AGAP1: variants seen among roughly 807,000 people sequenced by gnomAD.
AGAP1 encodes arf-GAP with GTPase, ANK repeat and PH domain-containing protein 1.
In AGAP1, 29 loss-of-function variants were observed where a neutral mutation model predicts 105.3. The ratio of observed to expected loss-of-function variants is 0.28; its 90% CI spans 0.21 to 0.38. The LOEUF is 0.38. AGAP1 is among the 10% of genes least tolerant of loss of function. The pLI is 1.00. For synonymous variants in AGAP1, 509 were observed against 485.9 expected (o/e 1.05, Z -0.63); for missense variants, 998 against 1,165.1 (o/e 0.86, Z 2.09).
Position 235,723,516 on chromosome 2 carries a change from G to A in AGAP1, c.310+5872G>A, listed in dbSNP as rs142039836. 8.4e-4 allele frequency among the ~76,000 whole-genome samples: 128 copies of A among 152,322 alleles called. 3 individuals carry two copies. In the East Asian group the frequency reaches 0.02, roughly 24 times the overall value. On this transcript the variant is annotated intron_variant, in intron 3 of 17. Coordinates refer to ENST00000304032, the MANE Select transcript of AGAP1 (RefSeq NM_001037131.3). The surrounding 1 kb of genome is among the most constrained non-coding windows in gnomAD (Gnocchi z 6.2). ...AGATCTTTTCAGGTTGCAGAACTGA[G>A]TCATTGCTCTGAGACCCGTTCCCCA... is the stretch of plus-strand genomic sequence containing the variant.
chr2:235,978,517 A>T (rs2054953078), intron 13 of AGAP1, among the ~76,000 whole-genome samples: 1 of 152,216 alleles, frequency 6.6e-6, no homozygotes, highest in Non-Finnish European at 1.5e-5. Flanking sequence ...TGGTGTTGGC[A>T]GGTGGGTGGT....
intron 9 of AGAP1, among the ~76,000 whole-genome samples, chr2:235,846,689 T>TGCA (rs1333145852): frequency 1.3e-5 from 2 of 152,110 alleles, no homozygotes; most frequent in Non-Finnish European, 2.9e-5. Context: ...CAGGCTGGAG[T>TGCA]GCAGTGGCAT....
At chr2:235,856,203 C>T (rs1413311064) in intron 9 of AGAP1, among the ~76,000 whole-genome samples, 1 of 152,198 alleles carries the variant, frequency 6.6e-6, no homozygotes, top group African/African-American at 2.4e-5. Flanking sequence ...TGAGCCACCG[C>T]ACCCGGCCGA....
At position 235,552,153 on chromosome 2, in the gene AGAP1, G is replaced by T. The variant is rs907518579; in HGVS notation, c.163+57304G>T. On this transcript the variant is annotated intron_variant, in intron 1 of 17. Transcript: ENST00000304032. The surrounding 1 kb of genome is among the most constrained non-coding windows in gnomAD (Gnocchi z 5.9). ...AGGGGCCTGCAGGGAAGTGTTTGTT[G>T]TGTGCTTGGTGTTCATTGCCCCGTA... 2.0e-5 allele frequency among the ~76,000 whole-genome samples: 3 copies of T among 152,278 alleles called. No individual in the cohort carries two copies. The highest frequency in any genetic ancestry group is 1.9e-4 in the East Asian group (1 of 5,180).
In AGAP1 at chr2:235,725,419, A is replaced by T. The variant is rs1951595036; in HGVS notation, c.310+7775A>T. 2.0e-5 allele frequency among the ~76,000 whole-genome samples: 3 copies of T among 151,376 alleles called. No individual in the cohort carries two copies. In the Admixed American group the frequency reaches 2.0e-4, roughly 10 times the overall value. Reference sequence around the variant, plus strand: ...AAACCCTTTCCAAGTCAAATAACTTAAAAAAAAAGGTTGTCAGCTACCACT... The same window carrying T: ...AAACCCTTTCCAAGTCAAATAACTTTAAAAAAAAGGTTGTCAGCTACCACT... On this transcript the variant is annotated intron_variant, in intron 3 of 17. Transcript: ENST00000304032. The surrounding 1 kb of genome is among the most constrained non-coding windows in gnomAD (Gnocchi z 5.7).
rs1228744758 is a variant in AGAP1, at chr2:235,901,087, A to G, written c.1156-7651A>G. Among the ~76,000 whole-genome samples the G allele has an allele frequency of 6.6e-6, 1 of 152,208 alleles. No individual in the cohort carries two copies. Among genetic ancestry groups the G allele is most frequent in the Non-Finnish European group, 1.5e-5 (1 of 68,038 alleles). ...ACAATATTTTCACAGTATTTTTAGG[A>G]GCATGACTTTGGTCTGCACCTGTGA... On this transcript the variant is annotated intron_variant, in intron 10 of 17. Transcript: ENST00000304032. The surrounding 1 kb of genome is among the most constrained non-coding windows in gnomAD (Gnocchi z 4.3).
intron 13 of AGAP1, among the ~76,000 whole-genome samples, chr2:236,008,057 G>A (rs1030418228): frequency 9.2e-5 from 14 of 152,238 alleles, no homozygotes; most frequent in African/African-American, 3.1e-4. Context: ...TGCTGTGTGT[G>A]TGTTTTCAAT....
In AGAP1 at chr2:235,610,715, C is replaced by G. The variant is rs934512152; in HGVS notation, c.164-98464C>G. On this transcript the variant is annotated intron_variant, in intron 1 of 17. Coordinates refer to ENST00000304032, the MANE Select transcript of AGAP1 (RefSeq NM_001037131.3). This position sits in a 1 kb window ranked among gnomAD's most constrained non-coding sequence, Gnocchi z 4.9. Reference sequence around the variant, plus strand: ...ACATTGCAGACCCGCCATCCTCAAACGCACTGTGCTCCCGTGAGCTCCCTG... The same window carrying G: ...ACATTGCAGACCCGCCATCCTCAAAGGCACTGTGCTCCCGTGAGCTCCCTG... Among the ~76,000 whole-genome samples, 1 of 152,152 alleles carries G rather than the reference C, an allele frequency of 6.6e-6. No individual in the cohort carries two copies. Among genetic ancestry groups the G allele is most frequent in the Non-Finnish European group, 1.5e-5 (1 of 68,020 alleles).
Position 235,623,261 on chromosome 2 carries a change from C to G in AGAP1, c.164-85918C>G, listed in dbSNP as rs1946541897. ...TGCGTGTTCTGCAGGCTGACCTCTG[C>G]TTGTTGATCGTATTACAGCATGTTG... is the stretch of plus-strand genomic sequence containing the variant. On this transcript the variant is annotated intron_variant, in intron 1 of 17. Coordinates refer to ENST00000304032, the MANE Select transcript of AGAP1 (RefSeq NM_001037131.3). This position sits in a 1 kb window ranked among gnomAD's most constrained non-coding sequence, Gnocchi z 4.5. Among the ~76,000 whole-genome samples the G allele has an allele frequency of 6.6e-6, 1 of 152,196 alleles. No individual in the cohort carries two copies. The highest frequency in any genetic ancestry group is 2.4e-5 in the African/African-American group (1 of 41,432).
At chr2:236,021,952 G>A (rs748605686) in intron 13 of AGAP1, among the ~76,000 whole-genome samples, 1 of 151,388 alleles carries the variant, frequency 6.6e-6, no homozygotes, top group Non-Finnish European at 1.5e-5. Flanking sequence ...CCAGCTACTC[G>A]GGAGGCTGAG....
intron 3 of AGAP1, among the ~76,000 whole-genome samples, chr2:235,738,211 G>A (rs146701577): frequency 6.6e-6 from 1 of 152,292 alleles, no homozygotes; most frequent in Non-Finnish European, 1.5e-5. Flanking sequence ...AGGGAAGGGA[G>A]AGCAGAGGGA....
intron 1 of AGAP1, among the ~76,000 whole-genome samples, chr2:235,568,746 T>C (rs1944427880): frequency 6.6e-6 from 1 of 152,220 alleles, no homozygotes; most frequent in African/African-American, 2.4e-5. Context: ...CTGTGTTCTT[T>C]CTAGAGGGTG....
intron 1 of AGAP1, among the ~76,000 whole-genome samples, chr2:235,594,117 G>T (rs188452114): frequency 7.2e-4 from 110 of 152,292 alleles, no homozygotes; most frequent in African/African-American, 2.6e-3. Flanking sequence ...TGTTAAGGAA[G>T]TGGAGATTGA....
chr2:235,607,189 C>T (rs1050050915), intron 1 of AGAP1, among the ~76,000 whole-genome samples: 7 of 151,966 alleles, frequency 4.6e-5, no homozygotes, highest in African/African-American at 7.3e-5. Context: ...ATCCAGAGCC[C>T]CCCCTTCCCT....
At chr2:235,892,212 C>G (rs1477252751) in intron 10 of AGAP1, among the ~76,000 whole-genome samples, 2 of 151,896 alleles carry the variant, frequency 1.3e-5, no homozygotes, top group Admixed American at 1.3e-4. Context: ...CACATTAAAA[C>G]AGCTGTGGCT....
In AGAP1 at chr2:235,705,877, A is replaced by C. The variant is rs1950509412; in HGVS notation, c.164-3302A>C. Among the ~76,000 whole-genome samples, 1 of 152,252 alleles carries C rather than the reference A, an allele frequency of 6.6e-6. No individual in the cohort carries two copies. Among genetic ancestry groups the C allele is most frequent in the Non-Finnish European group, 1.5e-5 (1 of 68,046 alleles). ...TGTTTAATGGAGCACTGCTTAATTTATAATGAATATTTTATATTGTTAGAA... is the reference window on the plus strand; with the variant it reads ...TGTTTAATGGAGCACTGCTTAATTTCTAATGAATATTTTATATTGTTAGAA... On this transcript the variant is annotated intron_variant, in intron 1 of 17. Coordinates refer to ENST00000304032, the MANE Select transcript of AGAP1 (RefSeq NM_001037131.3). This position sits in a 1 kb window ranked among gnomAD's most constrained non-coding sequence, Gnocchi z 4.9.
intron 13 of AGAP1, among the ~76,000 whole-genome samples, chr2:236,010,349 C>T (rs934426044): frequency 2.6e-5 from 4 of 152,150 alleles, no homozygotes; most frequent in Non-Finnish European, 4.4e-5. Flanking sequence ...TTGAAAAGAT[C>T]GTGACTGTCT....
intron 1 of AGAP1, among the ~76,000 whole-genome samples, chr2:235,532,836 T>G (rs1943088616): frequency 6.6e-6 from 1 of 152,194 alleles, no homozygotes; most frequent in African/African-American, 2.4e-5. Context: ...TGGCAGCCGG[T>G]GCATGGCTGG....
intron 16 of AGAP1, among the ~76,000 whole-genome samples, chr2:236,066,775 AC>A (rs569475038): frequency 1.2e-3 from 176 of 152,146 alleles, no homozygotes; most frequent in Non-Finnish European, 2.1e-3. Flanking sequence ...TATTCCTATC[AC>A]CCCAGGAACT....
Sources: allele counts gnomAD v4.1 joint callset (sites outside exome capture counted in the v4.1 genomes callset), GRCh38; gene constraint gnomAD v4.1.1; non-coding constraint Gnocchi (gnomAD v3.1); transcripts MANE v1.5; gene names NCBI Gene and HGNC (gene_info 2026-07-23, HGNC 2026-07-21).